Variants in BCAS3 observed in about 807,000 individuals in gnomAD.
BCAS3 encodes BCAS4/BCAS3 fusion.
A neutral mutation model predicts 116.1 loss-of-function variants in BCAS3; 53 were observed. That is an observed-to-expected ratio of 0.46 (90% CI 0.37 to 0.57). The LOEUF (loss-of-function observed/expected upper bound fraction) is 0.57, where lower values mean the gene tolerates loss of function less well. Ranked by LOEUF, BCAS3 falls within the 20% of genes least tolerant of loss-of-function variation. The pLI is 0.00. For missense variants in BCAS3, 917 were observed against 1,165.4 expected (o/e 0.79, Z 3.10); for synonymous variants, 391 against 408.2 (o/e 0.96, Z 0.51).
rs2143228109 is a variant in BCAS3, at chr17:61,340,617, A to G, written c.2426-27710A>G. ...ATGGTGTGCTTTCCTCCCTGCTGTG[A>G]GTCGCTGCGGGGGACGGGGAGTGGG... On this transcript the variant is annotated intron_variant, in intron 22 of 23. Coordinates refer to ENST00000407086, the MANE Select transcript of BCAS3 (RefSeq NM_017679.5). 1.3e-5 allele frequency among the ~76,000 whole-genome samples: 2 copies of G among 152,262 alleles called. 1 individual carries two copies.
intron 16 of BCAS3, among the ~76,000 whole-genome samples, chr17:61,033,309 G>A (rs754275937): frequency 4.6e-5 from 7 of 152,124 alleles, no homozygotes; most frequent in Non-Finnish European, 1.0e-4. Context: ...GTCTGGGATG[G>A]GGCCTATGAG....
chr17:60,875,385 T>A (rs1179974823), intron 9 of BCAS3, among the ~76,000 whole-genome samples: 1 of 152,064 alleles, frequency 6.6e-6, no homozygotes, highest in Non-Finnish European at 1.5e-5. Flanking sequence ...AGATTTTCTG[T>A]ATGATGGAAA....
rs150688893 is a variant in BCAS3, at chr17:61,168,963, G to A, written c.2425+84399G>A. ...AAAAGTCTCACCTCTCAAGGTATAA[G>A]TGTGGATAAATACTCTCACATGTGC... is the stretch of plus-strand genomic sequence containing the variant. On this transcript the variant is annotated intron_variant, in intron 22 of 23. Coordinates refer to ENST00000407086, the MANE Select transcript of BCAS3 (RefSeq NM_017679.5). 2.9e-3 allele frequency among the ~76,000 whole-genome samples: 439 copies of A among 152,274 alleles called. 2 individuals carry two copies. Among genetic ancestry groups the A allele is most frequent in the African/African-American group, 0.01 (427 of 41,550 alleles).
chr17:60,690,232 C>T (rs760597060), intron 4 of BCAS3, among the ~76,000 whole-genome samples: 3 of 152,098 alleles, frequency 2.0e-5, no homozygotes, highest in Non-Finnish European at 4.4e-5. Flanking sequence ...GTGTCCTCAA[C>T]GTTCATCTAC....
chr17:61,016,344 A>G (rs2065458703), intron 16 of BCAS3, among the ~76,000 whole-genome samples: 2 of 152,212 alleles, frequency 1.3e-5, no homozygotes, highest in Non-Finnish European at 2.9e-5. Context: ...GATATAATTT[A>G]CATATAATAA....
In BCAS3 at chr17:61,387,568, T is replaced by G. The variant is rs1354755030; in HGVS notation, c.2594-4409T>G. ...GAGAGCGGAGGCACCTTTCCTTCAG[T>G]TGCTACTCATTCATCATCCCCCTAC... On this transcript the variant is annotated intron_variant, in intron 23 of 23. Coordinates refer to ENST00000407086, the MANE Select transcript of BCAS3 (RefSeq NM_017679.5). The surrounding 1 kb of genome is among the most constrained non-coding windows in gnomAD (Gnocchi z 6.2). 6.6e-6 allele frequency among the ~76,000 whole-genome samples: 1 copy of G among 152,178 alleles called. No homozygotes were observed. The highest frequency in any genetic ancestry group is 1.5e-5 in the Non-Finnish European group (1 of 68,038).
chr17:61,057,301 A>G (rs1036226909), intron 19 of BCAS3, among the ~76,000 whole-genome samples: 1 of 152,186 alleles, frequency 6.6e-6, no homozygotes, highest in Non-Finnish European at 1.5e-5. Context: ...TCAGTTTTCA[A>G]TTGCACCTCT....
At chr17:61,270,222 C>T (rs964922959) in intron 22 of BCAS3, among the ~76,000 whole-genome samples, 1 of 148,748 alleles carries the variant, frequency 6.7e-6, no homozygotes, top group African/African-American at 2.5e-5. Flanking sequence ...CAGGTTCAAG[C>T]GATTCTCCTG....
Position 61,215,734 on chromosome 17 carries a change from A to T in BCAS3, c.2425+131170A>T, listed in dbSNP as rs2081743574. 6.6e-6 allele frequency among the ~76,000 whole-genome samples: 1 copy of T among 152,182 alleles called. No individual in the cohort carries two copies. On this transcript the variant is annotated intron_variant, in intron 22 of 23. Coordinates refer to ENST00000407086, the MANE Select transcript of BCAS3 (RefSeq NM_017679.5). The surrounding 1 kb of genome is among the most constrained non-coding windows in gnomAD (Gnocchi z 4.8). ...CCTCAGTTCTTGATATCCAGGCTCC[A>T]TTAAATGTGAACACTAACGTCTCTT...
chr17:61,159,068 G>A (rs1167667932), intron 22 of BCAS3, among the ~76,000 whole-genome samples: 2 of 152,150 alleles, frequency 1.3e-5, no homozygotes, highest in Non-Finnish European at 2.9e-5. Flanking sequence ...TTTAAAGTGT[G>A]AGAATAGAGT....
intron 22 of BCAS3, among the ~76,000 whole-genome samples, chr17:61,148,765 C>T (rs2077385251): frequency 6.6e-6 from 1 of 152,176 alleles, no homozygotes. Context: ...TGTCTCCCTC[C>T]AAAAACTATG....
intron 22 of BCAS3, among the ~76,000 whole-genome samples, chr17:61,168,468 G>A (rs2078647906): frequency 6.6e-6 from 1 of 152,296 alleles, no homozygotes; most frequent in African/African-American, 2.4e-5. Context: ...TTGAATGCCT[G>A]GAGATTAGGT....
intron 10 of BCAS3, among the ~76,000 whole-genome samples, chr17:60,890,830 T>C (rs1041451175): frequency 6.6e-6 from 1 of 152,228 alleles, no homozygotes; most frequent in African/African-American, 2.4e-5. Context: ...TAATATGAAT[T>C]AATATGAAAT....
chr17:61,386,134 A>G (rs745859265), intron 23 of BCAS3, among the ~76,000 whole-genome samples: 3 of 152,248 alleles, frequency 2.0e-5, no homozygotes, highest in Non-Finnish European at 4.4e-5. Context: ...TCTTAGAACC[A>G]GGCCATGACA....
In BCAS3 at chr17:61,325,927, A is replaced by G. The variant is rs1270884926; in HGVS notation, c.2426-42400A>G. On this transcript the variant is annotated intron_variant, in intron 22 of 23. Transcript: ENST00000407086. This position sits in a 1 kb window ranked among gnomAD's most constrained non-coding sequence, Gnocchi z 6.4. Reference sequence around the variant, plus strand: ...TATCCAGATTAAATCTGGCTAATATATACTGCAGGGAAGCCTCGGCAGAGA... The same window carrying G: ...TATCCAGATTAAATCTGGCTAATATGTACTGCAGGGAAGCCTCGGCAGAGA... 2.6e-5 allele frequency among the ~76,000 whole-genome samples: 4 copies of G among 152,182 alleles called. No homozygotes were observed. The highest frequency in any genetic ancestry group is 4.4e-5 in the Non-Finnish European group (3 of 68,024).
chr17:60,756,043 C>T (rs1291977326), intron 6 of BCAS3, among the ~76,000 whole-genome samples: 1 of 152,112 alleles, frequency 6.6e-6, no homozygotes, highest in African/African-American at 2.4e-5. Flanking sequence ...CTTACTTGTT[C>T]TAACTTAGTG....
intron 22 of BCAS3, among the ~76,000 whole-genome samples, chr17:61,138,403 A>G (rs1452867565): frequency 1.3e-5 from 2 of 152,206 alleles, no homozygotes; most frequent in Admixed American, 1.3e-4. Flanking sequence ...TCTACGTGGG[A>G]ACTCCTAGTT....
intron 22 of BCAS3, among the ~76,000 whole-genome samples, chr17:61,165,394 A>C (rs1376065682): frequency 1.3e-5 from 2 of 152,176 alleles, no homozygotes; most frequent in Admixed American, 6.5e-5. Flanking sequence ...AAGTTATTCT[A>C]CTTTTTTTTA....
At chr17:60,895,765 T>G (rs1179872927) in intron 10 of BCAS3, among the ~76,000 whole-genome samples, 2 of 152,204 alleles carry the variant, frequency 1.3e-5, no homozygotes, top group African/African-American at 4.8e-5. Context: ...GTTTCAAGAT[T>G]TTAAAGAATT....
Sources: gnomAD v4.1 joint callset for allele counts (sites outside exome capture counted in the v4.1 genomes callset) on GRCh38, gnomAD v4.1.1 for gene constraint, Gnocchi (gnomAD v3.1) non-coding constraint, MANE v1.5 for transcripts, NCBI Gene and HGNC (gene_info 2026-07-23, HGNC 2026-07-21) for gene names.